The following PCSK5 variants were observed in gnomAD, a reference collection of about 807,000 sequenced individuals.
PCSK5 encodes proprotein convertase subtilisin/kexin type 5, also known as prohormone convertase 5.
In PCSK5, 129 loss-of-function variants were observed where a neutral mutation model predicts 233.2. The observed-to-expected ratio is 0.55, with a 90% CI of 0.48 to 0.64. The LOEUF is 0.64. Among genes scored for constraint, PCSK5 ranks in the 30% least tolerant of loss-of-function variants. The pLI is 0.00. For missense variants in PCSK5, 2,076 were observed against 2,430.1 expected, an observed-to-expected ratio of 0.85 and a Z score of 3.06; for synonymous variants, 825 against 879.2, an observed-to-expected ratio of 0.94 and a Z score of 1.09.
intron 8 of PCSK5, among the ~76,000 whole-genome samples, chr9:76,097,949 G>T (rs1831603678): frequency 6.6e-6 from 1 of 152,118 alleles, no homozygotes; most frequent in Non-Finnish European, 1.5e-5. Flanking sequence ...TTAGCATTTA[G>T]CCAAGACCCT....
chr9:76,090,497 C>G (rs542697057), intron 7 of PCSK5, among the ~76,000 whole-genome samples: 10 of 152,244 alleles, frequency 6.6e-5, no homozygotes, highest in African/African-American at 2.4e-4. Context: ...ACCATACTCG[C>G]AGGAATAAAG....
intron 12 of PCSK5, among the ~76,000 whole-genome samples, chr9:76,161,533 A>G (rs901209908): frequency 3.3e-5 from 5 of 151,114 alleles, no homozygotes; most frequent in African/African-American, 1.2e-4. Flanking sequence ...GGTTTGCTTC[A>G]CATGTGTGGA....
chr9:76,358,243 C>T lies in PCSK5; in HGVS notation c.5255-270C>T, dbSNP rs550656261. Among the ~76,000 whole-genome samples the T allele has an allele frequency of 2.6e-5, 4 of 152,176 alleles. No individual in the cohort carries two copies. The East Asian group carries it at 7.7e-4, about 29-fold the overall frequency. ...GAGACAGGCCGGGTGCGGTGGCTCA[C>T]GTCTGTAATCCCAGCACTCTGGGAG... On this transcript the variant is annotated intron_variant, in intron 37 of 37. Coordinates refer to ENST00000674117, the MANE Select transcript of PCSK5 (RefSeq NM_001372043.1).
chr9:76,343,063 A>G (rs1259787982), intron 35 of PCSK5, among the ~76,000 whole-genome samples: 1 of 152,136 alleles, frequency 6.6e-6, no homozygotes, highest in Non-Finnish European at 1.5e-5. Context: ...TCACCCTGTA[A>G]TAAACCAGTC....
At chr9:76,023,986 C>G in intron 4 of PCSK5, 105 bp downstream of exon 4, 1 of 948,946 alleles carries the variant, frequency 1.1e-6, no homozygotes, top group African/African-American at 1.7e-5. Context: ...TAGCAACGTA[C>G]AATAGGGTAT....
At chr9:76,240,572 C>A in intron 23 of PCSK5, 44 bp from the exon 24 acceptor site, 1 of 1,325,764 alleles carries the variant, frequency 7.5e-7, no homozygotes, top group Non-Finnish European at 1.1e-6. Context: ...CGTGTCTCCA[C>A]TCAATGGAAA....
At chr9:76,254,943 A>G (rs781759520) in intron 24 of PCSK5, among the ~76,000 whole-genome samples, 1 of 152,128 alleles carries the variant, frequency 6.6e-6, no homozygotes, top group African/African-American at 2.4e-5. Flanking sequence ...CCTACTCCCA[A>G]TGTTTCTAAT....
chr9:76,310,187 G>A (rs146432159), intron 29 of PCSK5, among the ~76,000 whole-genome samples: 231 of 151,484 alleles, frequency 1.5e-3, no homozygotes, highest in Non-Finnish European at 2.6e-3. Context: ...GGCGGAGGTC[G>A]CAGTGAGCCA....
At chr9:76,192,571 C>T (rs181799321) in intron 20 of PCSK5, among the ~76,000 whole-genome samples, 1 of 152,196 alleles carries the variant, frequency 6.6e-6, no homozygotes, top group Admixed American at 6.5e-5. Flanking sequence ...GACATCTGTT[C>T]AACCGAGTTA....
chr9:75,924,178 T>G (rs977365808), intron 1 of PCSK5, among the ~76,000 whole-genome samples: 3 of 152,108 alleles, frequency 2.0e-5, no homozygotes, highest in Admixed American at 2.0e-4. Flanking sequence ...TCTGAAATCA[T>G]AGAGATTATA....
intron 2 of PCSK5, among the ~76,000 whole-genome samples, chr9:75,941,482 C>G (rs1412011137): frequency 2.0e-5 from 3 of 152,052 alleles, no homozygotes; most frequent in African/African-American, 7.2e-5. Flanking sequence ...CTGTATTCTT[C>G]TGGAAACAGC....
chr9:76,092,984 A>T (rs1240592824), intron 7 of PCSK5, among the ~76,000 whole-genome samples: 1 of 152,020 alleles, frequency 6.6e-6, no homozygotes, highest in African/African-American at 2.4e-5. Flanking sequence ...TTCTGATCTT[A>T]CCATACAAGA....
In PCSK5 at chr9:76,141,832, C is replaced by T. The variant is rs60513235; in HGVS notation, c.1312+7620C>T. On this transcript the variant is annotated intron_variant, in intron 10 of 37. Coordinates refer to ENST00000674117, the MANE Select transcript of PCSK5 (RefSeq NM_001372043.1). ...GAATGAGATCATGTCTTTGAGGGAA[C>T]GTGGATGGAGCTGGAGGCCATTATC... Among the ~76,000 whole-genome samples, 593 of 152,156 alleles carry T rather than the reference C, an allele frequency of 3.9e-3. 6 individuals are homozygous for T. Among genetic ancestry groups the T allele is most frequent in the African/African-American group, 0.014 (570 of 41,508 alleles).
rs150736462 is a variant in PCSK5 at position 76,003,053 on chromosome 9, T to C, written c.411+16808T>C. The stretch of plus-strand genomic sequence containing the variant: ...TCTTACTATGGAGCCTTGAGTACCT[T>C]GTTGGATGCCTTTGGGACAAAGTGA... On this transcript the variant is annotated intron_variant, in intron 3 of 37. Transcript: ENST00000674117. Among the ~76,000 whole-genome samples, 31 of 152,362 alleles carry C rather than the reference T, an allele frequency of 2.0e-4. No homozygotes were observed. In the East Asian group the frequency reaches 5.2e-3, roughly 26 times the overall value.
At chr9:76,018,205 A>G (rs533569564) in intron 3 of PCSK5, among the ~76,000 whole-genome samples, 1 of 152,288 alleles carries the variant, frequency 6.6e-6, no homozygotes, top group Admixed American at 6.5e-5. Flanking sequence ...TAAGTCATGA[A>G]CATTGATTGT....
chr9:76,128,680 T>G (rs747910570), intron 9 of PCSK5, among the ~76,000 whole-genome samples: 3 of 152,188 alleles, frequency 2.0e-5, no homozygotes, highest in Non-Finnish European at 4.4e-5. Flanking sequence ...AAATTTACCT[T>G]TGGTTTAGAG....
Position 76,023,818 on chromosome 9 carries a change from C to T in PCSK5, c.492C>T (p.Asn164=). ...GAWKRGYTGK[N]IVVTILDDGI... ...GGAAGAGAGGCTACACGGGAAAGAA[C>T]ATTGTGGTCACTATCCTGGATGACG... is the stretch of plus-strand genomic sequence containing the variant. Residue 164 remains asparagine (N), a synonymous_variant, in exon 4 of 38, where the codon AAC becomes AAT. Transcript: ENST00000674117. The T allele has an allele frequency of 6.2e-7, 1 of 1,613,480 alleles. No individual in the cohort carries two copies. The highest frequency in any genetic ancestry group is 2.2e-5 in the East Asian group (1 of 44,852).
intron 10 of PCSK5, 40 bp from the exon 11 acceptor site, chr9:76,157,005 T>C: frequency 2.2e-6 from 3 of 1,388,496 alleles, no homozygotes; most frequent in Non-Finnish European, 3.1e-6. Flanking sequence ...ATTTGACCTA[T>C]GTAGCTTAGT....
chr9:76,190,599 G>GTTTTTATAGT (rs944070123), intron 20 of PCSK5, among the ~76,000 whole-genome samples: 1 of 151,960 alleles, frequency 6.6e-6, no homozygotes, highest in Admixed American at 6.6e-5. Flanking sequence ...AGATTCTATA[G>GTTTTTATAGT]TTTTTAGCCA....
Sources: gnomAD v4.1 joint callset for allele counts (sites outside exome capture counted in the v4.1 genomes callset) on GRCh38, gnomAD v4.1.1 for gene constraint, MANE v1.5 for transcripts, NCBI Gene and HGNC (gene_info 2026-07-23, HGNC 2026-07-21) for gene names.